The following TSC1 variants were observed in gnomAD, a reference collection of about 807,000 sequenced individuals.
The protein encoded by TSC1 is TSC complex subunit 1.
In TSC1, 20 loss-of-function variants were observed where a neutral mutation model predicts 124.3. That is an observed-to-expected ratio of 0.16 (90% confidence interval 0.11 to 0.23). TSC1 has a LOEUF of 0.23. TSC1 is among the 10% of genes least tolerant of loss of function. TSC1 has a pLI of 1.00. For missense variants in TSC1, 1,124 were observed against 1,448.5 expected (o/e 0.78, Z 3.64); for synonymous variants, 493 against 539.1 (o/e 0.91, Z 1.19).
chr9:132,944,859 A>AGAG (rs978637145), upstream of TSC1: 82 of 354,288 alleles, frequency 2.3e-4, no homozygotes, highest in Middle Eastern at 7.2e-4. Context: ...GAGGCTGCGA[A>AGAG]GAGATCTTGT....
Position 132,893,098 on chromosome 9 carries a change from A to G in TSC1, c.*3137T>C. The G allele has an allele frequency of 4.3e-6, 1 of 233,310 alleles. No individual in the cohort carries two copies. The highest frequency in any genetic ancestry group is 8.5e-6 in the Non-Finnish European group (1 of 118,072). The allele number at this position is 233,310 out of a possible 1,614,324, so 14.5% of individuals were successfully genotyped here. On this transcript the variant is annotated 3_prime_UTR_variant, in exon 23 of 23. Coordinates refer to ENST00000298552, the MANE Select transcript of TSC1 (RefSeq NM_000368.5). The stretch of plus-strand genomic sequence containing the variant: ...ACTGTTTCCCCAACCATGTCACATA[A>G]GCTTTGGCTCACAAAGTAGCTCACC...
Position 132,928,953 on chromosome 9 carries a change from C to A in TSC1, c.-80-1G>T. The stretch of plus-strand genomic sequence containing the variant: ...GTTCTTCATTGGGGCCACTACCAAA[C>A]TGAGAAAAAGGAAGATGAACAGTCA... On this transcript the variant is annotated splice_acceptor_variant, in intron 2 of 22. Transcript: ENST00000298552. LOFTEE classifies it low-confidence loss of function (5UTR_SPLICE). The A allele has an allele frequency of 6.3e-7, 1 of 1,597,264 alleles. No homozygotes were observed. The highest frequency in any genetic ancestry group is 8.5e-7 in the Non-Finnish European group (1 of 1,172,772).
intron 1 of TSC1, among the ~76,000 whole-genome samples, chr9:132,943,155 G>C (rs747277361): frequency 3.7e-4 from 56 of 151,374 alleles, no homozygotes; most frequent in Non-Finnish European, 7.4e-4. Context: ...AAGTATCTCA[G>C]AAGAGTATTA....
At position 132,902,145 on chromosome 9, in the gene TSC1, C is replaced by T. The variant is rs997613179; in HGVS notation, c.2392-446G>A. Among the ~76,000 whole-genome samples the T allele has an allele frequency of 6.6e-6, 1 of 152,174 alleles. No individual in the cohort carries two copies. The highest frequency in any genetic ancestry group is 1.5e-5 in the Non-Finnish European group (1 of 68,036). On this transcript the variant is annotated intron_variant, in intron 18 of 22. Coordinates refer to ENST00000298552, the MANE Select transcript of TSC1 (RefSeq NM_000368.5). The surrounding 1 kb of genome is among the most constrained non-coding windows in gnomAD (Gnocchi z 5.2). ...CACCACAAGGAAAACCAGTGTGGAA[C>T]AGGAAATGAGGGTGTCACTGTCCAC...
In TSC1 at chr9:132,902,074, TGAC is replaced by T. The variant is rs1277172128; in HGVS notation, c.2392-378_2392-376del. On this transcript the variant is annotated intron_variant, in intron 18 of 22. Coordinates refer to ENST00000298552, the MANE Select transcript of TSC1 (RefSeq NM_000368.5). This position sits in a 1 kb window ranked among gnomAD's most constrained non-coding sequence, Gnocchi z 5.2. ...CTGGAAATGATGCTGTGTCTGTGGA[TGAC>T]GTCTTTGTGAAGCCGGGTTTTTTTG... 4.0e-6 allele frequency: 1 copy of T among 252,882 alleles called. No homozygotes were observed. The highest frequency in any genetic ancestry group is 2.3e-5 in the African/African-American group (1 of 43,984). The allele number at this position is 252,882 out of a possible 1,614,324, so 15.7% of individuals were successfully genotyped here.
intron 8 of TSC1, among the ~76,000 whole-genome samples, chr9:132,916,652 G>C (rs1287281437): frequency 6.6e-6 from 1 of 151,942 alleles, no homozygotes; most frequent in African/African-American, 2.4e-5. Context: ...ACTTTTTTGT[G>C]TGTCTATTGC....
In TSC1 at chr9:132,921,766, A is replaced by G. The variant is rs1311787759; in HGVS notation, c.663+53T>C. On this transcript the variant is annotated intron_variant, in intron 7 of 22. Transcript: ENST00000298552. The surrounding 1 kb of genome is among the most constrained non-coding windows in gnomAD (Gnocchi z 4.3). Reference sequence around the variant, plus strand: ...CGTTAAATACAAAAGGTATAAATGCAGCCTATCTAAACAGTATACTAAGTA... The same window carrying G: ...CGTTAAATACAAAAGGTATAAATGCGGCCTATCTAAACAGTATACTAAGTA... 3.1e-6 allele frequency: 5 copies of G among 1,606,374 alleles called. No individual in the cohort carries two copies. Among genetic ancestry groups the G allele is most frequent in the Non-Finnish European group, 4.3e-6 (5 of 1,173,872 alleles).
intron 1 of TSC1, among the ~76,000 whole-genome samples, chr9:132,935,437 T>A (rs1847409046): frequency 6.6e-6 from 1 of 152,212 alleles, no homozygotes; most frequent in Non-Finnish European, 1.5e-5. Flanking sequence ...TGTGTAACAT[T>A]TAGCTATTTA....
chr9:132,930,326 C>T (rs1847133818), intron 2 of TSC1, among the ~76,000 whole-genome samples: 1 of 152,094 alleles, frequency 6.6e-6, no homozygotes, highest in South Asian at 2.1e-4. Flanking sequence ...TGGTGGCTCA[C>T]GCTTGTAATC....
chr9:132,925,465 CAA>C lies in TSC1; in HGVS notation c.363+120_363+121del, dbSNP rs1846799304. ...GGACAACATTCTATTTGAGAAAAGC[CAA>C]ATGCCTAGAAGGTTTTAAACTCTAA... On this transcript the variant is annotated intron_variant, in intron 5 of 22. Transcript: ENST00000298552. 4.8e-6 allele frequency: 6 copies of C among 1,238,690 alleles called. No individual in the cohort carries two copies. The South Asian group carries it at 7.7e-5, about 16-fold the overall frequency. The allele number at this position is 1,238,690 out of a possible 1,614,324, so 76.7% of individuals were successfully genotyped here.
Position 132,893,364 on chromosome 9 carries a change from G to T in TSC1, c.*2871C>A, listed in dbSNP as rs1382952429. The T allele has an allele frequency of 8.6e-6, 2 of 232,994 alleles. No homozygotes were observed. The highest frequency in any genetic ancestry group is 1.7e-5 in the Non-Finnish European group (2 of 118,026). The allele number at this position is 232,994 out of a possible 1,614,324, so 14.4% of individuals were successfully genotyped here. A position where few individuals can be genotyped will look rare whatever the true frequency, so the allele number is the denominator to read the frequency against. ...TTGTTTTTTTTCTATTCATGACCAC[G>T]TGTTTCTTCCAATCCCATAATAACA... On this transcript the variant is annotated 3_prime_UTR_variant, in exon 23 of 23. Transcript: ENST00000298552.
Position 132,906,225 on chromosome 9 carries a change from T to A in TSC1, c.1439-86A>T. ...GCAGTTTGGGTGGCATGCTGCCACA[T>A]GCCAGTGTCACTCAGAGAGAGGAGA... On this transcript the variant is annotated intron_variant, in intron 14 of 22. Coordinates refer to ENST00000298552, the MANE Select transcript of TSC1 (RefSeq NM_000368.5). This position sits in a 1 kb window ranked among gnomAD's most constrained non-coding sequence, Gnocchi z 4.1. The A allele has an allele frequency of 7.0e-7, 1 of 1,422,352 alleles. No homozygotes were observed. Among genetic ancestry groups the A allele is most frequent in the East Asian group, 2.4e-5 (1 of 41,868 alleles). The allele number at this position is 1,422,352 out of a possible 1,614,324, so 88.1% of individuals were successfully genotyped here.
Position 132,894,693 on chromosome 9 carries a change from TAAAA to T in TSC1, c.*1538_*1541del, listed in dbSNP as rs748099884. The T allele has an allele frequency of 2.1e-3, 236 of 113,442 alleles. No homozygotes were observed. Among genetic ancestry groups the T allele is most frequent in the Middle Eastern group, 8.5e-3 (3 of 354 alleles). The allele number at this position is 113,442 out of a possible 1,614,324, so 7.0% of individuals were successfully genotyped here. A position where few individuals can be genotyped will look rare whatever the true frequency, so the allele number is the denominator to read the frequency against. ...GATGCTAGAATATTTATTGCCATGC[TAAAA>T]AAAAAAAAAAAAAAAAAAGACTTTC... On this transcript the variant is annotated 3_prime_UTR_variant, in exon 23 of 23. Coordinates refer to ENST00000298552, the MANE Select transcript of TSC1 (RefSeq NM_000368.5).
intron 8 of TSC1, among the ~76,000 whole-genome samples, chr9:132,913,891 G>GTTTTTTTTTTTTTTTTTTT (rs775823272): frequency 1.7e-5 from 1 of 58,374 alleles, no homozygotes; most frequent in African/African-American, 6.7e-5. Flanking sequence ...GTTTTGTTTT[G>GTTTTTTTTTTTTTTTTTTT]TTTTTTTTTT....
intron 22 of TSC1, 77 bp downstream of exon 22, chr9:132,897,107 C>T (rs888111038): frequency 8.7e-6 from 14 of 1,606,078 alleles, no homozygotes; most frequent in Admixed American, 1.7e-5. Flanking sequence ...TAACTGCTTC[C>T]CACACCACGT....
chr9:132,910,543 G>C (rs375171154), intron 12 of TSC1, 28 bp downstream of exon 12: 1 of 1,613,958 alleles, frequency 6.2e-7, no homozygotes, highest in Non-Finnish European at 8.5e-7. Flanking sequence ...TGCCTGGGCA[G>C]AGGGATAGCA....
chr9:132,932,584 A>G (rs1175273506), intron 2 of TSC1, among the ~76,000 whole-genome samples: 3 of 152,220 alleles, frequency 2.0e-5, no homozygotes, highest in African/African-American at 7.2e-5. Context: ...ATAAGAGCCA[A>G]TAACATTATG....
At chr9:132,920,680 A>G (rs1023724184) in intron 8 of TSC1, among the ~76,000 whole-genome samples, 2 of 151,896 alleles carry the variant, frequency 1.3e-5, no homozygotes, top group African/African-American at 4.8e-5. Flanking sequence ...AGTTTCCCCA[A>G]AAAGGGCCAG....
chr9:132,911,625 TAAAAAAAAAAAAAAAAAA>T, intron 9 of TSC1, 57 bp from the exon 10 acceptor site: 7 of 167,862 alleles, frequency 4.2e-5, no homozygotes, highest in African/African-American at 1.7e-4. Flanking sequence ...TTATTCTGGT[TAAAAAAAAAAAAAAAAAA>T]AAAAAAAAAA....
Sources: gnomAD v4.1 joint callset for allele counts (sites outside exome capture counted in the v4.1 genomes callset) on GRCh38, gnomAD v4.1.1 for gene constraint, Gnocchi (gnomAD v3.1) non-coding constraint, MANE v1.5 for transcripts, NCBI Gene and HGNC (gene_info 2026-07-23, HGNC 2026-07-21) for gene names.